Variants in SNX7 observed in about 807,000 individuals in gnomAD.
The protein encoded by SNX7 is sorting nexin-7.
In SNX7, 35 loss-of-function variants were observed where a neutral mutation model predicts 48.4. The ratio of observed to expected loss-of-function variants is 0.72; its 90% CI spans 0.55 to 0.96. The LOEUF is 0.96. Among genes scored for constraint, SNX7 ranks in the 40% least tolerant of loss-of-function variants. SNX7 has a pLI of 0.00. For synonymous variants in SNX7, 190 were observed against 190.2 expected, an observed-to-expected ratio of 1.00 and a Z score of 0.01; for missense variants, 553 against 548.9, an observed-to-expected ratio of 1.01 and a Z score of -0.07.
chr1:98,743,800 C>A (rs575597154), intron 8 of SNX7, among the ~76,000 whole-genome samples: 7 of 152,150 alleles, frequency 4.6e-5, no homozygotes, highest in African/African-American at 1.7e-4. Flanking sequence ...TAATACTACA[C>A]TACATACTTC....
intron 8 of SNX7, among the ~76,000 whole-genome samples, chr1:98,739,173 G>A (rs545617174): frequency 1.3e-5 from 2 of 151,954 alleles, no homozygotes; most frequent in East Asian, 1.9e-4. Context: ...CCTTACATGC[G>A]CAGTTCACAA....
chr1:98,731,939 T>A (rs1001940743), intron 7 of SNX7, among the ~76,000 whole-genome samples: 6 of 152,138 alleles, frequency 3.9e-5, no homozygotes, highest in African/African-American at 1.4e-4. Context: ...TGTAATTAAA[T>A]GTAAGTTTTC....
chr1:98,664,237 T>C (rs1319995310), intron 1 of SNX7, among the ~76,000 whole-genome samples: 2 of 152,230 alleles, frequency 1.3e-5, no homozygotes, highest in African/African-American at 4.8e-5. Flanking sequence ...ATGTGTCTGG[T>C]ATACTCTTCC....
At chr1:98,726,581 C>G (rs1653182650) in intron 7 of SNX7, among the ~76,000 whole-genome samples, 1 of 152,084 alleles carries the variant, frequency 6.6e-6, no homozygotes. Context: ...TTAGTATGTA[C>G]CTTAATTTCA....
chr1:98,756,242 C>T (rs1423612305), intron 8 of SNX7, among the ~76,000 whole-genome samples: 1 of 151,610 alleles, frequency 6.6e-6, no homozygotes, highest in African/African-American at 2.4e-5. Flanking sequence ...CTGTTTTTGT[C>T]ATACATTTTG....
chr1:98,734,458 C>A (rs1337602836), intron 7 of SNX7, among the ~76,000 whole-genome samples: 1 of 152,118 alleles, frequency 6.6e-6, no homozygotes, highest in Non-Finnish European at 1.5e-5. Context: ...TGGCAGACAT[C>A]GGTTTGAATC....
At chr1:98,752,432 G>A (rs1654633485) in intron 8 of SNX7, among the ~76,000 whole-genome samples, 1 of 151,994 alleles carries the variant, frequency 6.6e-6, no homozygotes, top group Admixed American at 6.6e-5. Context: ...CGGCTATCAA[G>A]AATCCCAAAG....
chr1:98,693,476 C>T (rs551702412), intron 4 of SNX7, among the ~76,000 whole-genome samples: 10 of 152,264 alleles, frequency 6.6e-5, no homozygotes, highest in African/African-American at 2.2e-4. Flanking sequence ...TATGGAAGCC[C>T]TTTGTGACTT....
Position 98,760,425 on chromosome 1 carries a change from T to C in SNX7, c.*294T>C, listed in dbSNP as rs893594321. On this transcript the variant is annotated 3_prime_UTR_variant, in exon 9 of 9. Transcript: ENST00000306121. The stretch of plus-strand genomic sequence containing the variant: ...CCAATAATTGCATATAGATTTTTTT[T>C]CTTAAATATTTGACTGTGGAACATG... The C allele has an allele frequency of 1.7e-5, 4 of 237,864 alleles. No individual in the cohort carries two copies. In the Admixed American group the frequency reaches 2.0e-4, roughly 12 times the overall value. The allele number at this position is 237,864 out of a possible 1,614,324, so 14.7% of individuals were successfully genotyped here.
intron 8 of SNX7, among the ~76,000 whole-genome samples, chr1:98,753,656 T>A (rs556617878): frequency 6.6e-6 from 1 of 152,230 alleles, no homozygotes; most frequent in East Asian, 1.9e-4. Context: ...GGGGCTGCCC[T>A]GTAGGGGTAC....
intron 7 of SNX7, among the ~76,000 whole-genome samples, chr1:98,717,362 G>T (rs1005304260): frequency 2.0e-5 from 3 of 152,114 alleles, no homozygotes; most frequent in African/African-American, 7.2e-5. Context: ...GAGGAACAGA[G>T]AAATAGAATT....
At chr1:98,735,169 C>G (rs1452784161) in intron 7 of SNX7, among the ~76,000 whole-genome samples, 3 of 152,034 alleles carry the variant, frequency 2.0e-5, no homozygotes, top group African/African-American at 7.2e-5. Context: ...AATGCATAGT[C>G]TTTGTACCAA....
chr1:98,667,177 G>A (rs979160451), intron 1 of SNX7, among the ~76,000 whole-genome samples: 2 of 152,194 alleles, frequency 1.3e-5, no homozygotes, highest in Non-Finnish European at 2.9e-5. Flanking sequence ...TTGTTACACA[G>A]CAGTAGTAAC....
chr1:98,713,856 CAA>C (rs1211958428), intron 7 of SNX7, among the ~76,000 whole-genome samples: 1 of 152,076 alleles, frequency 6.6e-6, no homozygotes, highest in African/African-American at 2.4e-5. Context: ...GTGGTAACAT[CAA>C]AGACTGCTTA....
At chr1:98,726,352 CCTGAGTGGCCAGTATAAT>C (rs1653169735) in intron 7 of SNX7, among the ~76,000 whole-genome samples, 1 of 152,156 alleles carries the variant, frequency 6.6e-6, no homozygotes, top group Non-Finnish European at 1.5e-5. Context: ...AGTGGAGCTG[CCTGAGTGGCCAGTATAAT>C]CTGAGTCTTG....
intron 7 of SNX7, among the ~76,000 whole-genome samples, chr1:98,726,650 T>C (rs1653187094): frequency 7.1e-6 from 1 of 140,248 alleles, no homozygotes; most frequent in African/African-American, 2.6e-5. Flanking sequence ...ATATTTCCTT[T>C]TTAAGGGGAT....
chr1:98,679,110 A>G (rs1462231065), intron 1 of SNX7, among the ~76,000 whole-genome samples: 2 of 152,160 alleles, frequency 1.3e-5, no homozygotes, highest in Non-Finnish European at 2.9e-5. Flanking sequence ...AAAGGGTTTA[A>G]TGGACTTACA....
intron 1 of SNX7, among the ~76,000 whole-genome samples, chr1:98,677,865 G>A (rs1376391949): frequency 3.8e-5 from 5 of 132,798 alleles, no homozygotes; most frequent in Non-Finnish European, 6.4e-5. Context: ...GTGACAGAGC[G>A]AGACGCTGTC....
intron 7 of SNX7, among the ~76,000 whole-genome samples, chr1:98,715,946 T>A (rs1254748292): frequency 2.9e-4 from 44 of 152,162 alleles, no homozygotes; most frequent in Non-Finnish European, 1.5e-5. Flanking sequence ...TTTATATCTA[T>A]GATGTATTTC....
Sources: gnomAD v4.1 joint callset for allele counts (sites outside exome capture counted in the v4.1 genomes callset) on GRCh38, gnomAD v4.1.1 for gene constraint, MANE v1.5 for transcripts, NCBI Gene and HGNC (gene_info 2026-07-23, HGNC 2026-07-21) for gene names.